SLC36A1: variants seen among roughly 807,000 people sequenced by gnomAD.
SLC36A1 encodes the protein solute carrier family 36 member 1.
SLC36A1 carries 30 observed loss-of-function variants against 47.5 expected under a neutral mutation model. That is an observed-to-expected ratio of 0.63 (90% CI 0.47 to 0.86). The LOEUF (loss-of-function observed/expected upper bound fraction) is 0.86, where lower values mean the gene tolerates loss of function less well. SLC36A1 is among the 40% of genes least tolerant of loss of function. The pLI, the probability that SLC36A1 is intolerant of heterozygous loss-of-function variation, is 0.00. For missense variants in SLC36A1, 517 were observed against 606.0 expected (o/e 0.85, Z 1.54); for synonymous variants, 255 against 249.7 (o/e 1.02, Z -0.20).
the SLC36A1 span, among the ~76,000 whole-genome samples, chr5:151,344,796 A>G: frequency 6.6e-6 from 1 of 152,210 alleles, no homozygotes; most frequent in Non-Finnish European, 1.5e-5. Context: ...AGGGGCAGAA[A>G]CTAGCTCAAT....
chr5:151,493,525 T>C (rs1341802411), downstream of SLC36A1, among the ~76,000 whole-genome samples: 6 of 152,214 alleles, frequency 3.9e-5, no homozygotes, highest in Admixed American at 2.0e-4. Context: ...CTCATAGAAC[T>C]CAGGAAAATA....
At chr5:151,522,173 G>A in the SLC36A1 span, 18 of 1,108,688 alleles carry the variant, frequency 1.6e-5, no homozygotes, top group Middle Eastern at 3.1e-4. Flanking sequence ...GTGGAGCTAC[G>A]TTTCTCTGCC....
upstream of SLC36A1, among the ~76,000 whole-genome samples, chr5:151,436,845 A>C (rs936704144): frequency 1.3e-5 from 2 of 152,124 alleles, no homozygotes; most frequent in African/African-American, 4.8e-5. Context: ...CATTGGTGAG[A>C]AACAGAAGCC....
chr5:151,502,716 G>A, the SLC36A1 span, among the ~76,000 whole-genome samples: 25 of 148,402 alleles, frequency 1.7e-4, no homozygotes, highest in South Asian at 3.7e-3. Flanking sequence ...ACGTGGAATG[G>A]TTCAGCCACT....
chr5:151,409,543 T>C, the SLC36A1 span, among the ~76,000 whole-genome samples: 1 of 152,314 alleles, frequency 6.6e-6, no homozygotes, highest in East Asian at 1.9e-4. Flanking sequence ...AACATACATG[T>C]ACAAAGTGCT....
chr5:151,550,919 C>T, the SLC36A1 span: 28 of 1,583,166 alleles, frequency 1.8e-5, no homozygotes, highest in Non-Finnish European at 2.4e-5. Flanking sequence ...CCCAGGGGAA[C>T]AGGGACTGGG....
the SLC36A1 span, among the ~76,000 whole-genome samples, chr5:151,398,852 G>A: frequency 2.0e-5 from 3 of 151,892 alleles, no homozygotes; most frequent in African/African-American, 7.3e-5. Flanking sequence ...TCTGTGCATG[G>A]GTGTGGGCAC....
the SLC36A1 span, among the ~76,000 whole-genome samples, chr5:151,537,340 AAAG>A: frequency 0.018 from 2,441 of 134,888 alleles, 35 homozygotes; most frequent in East Asian, 0.082. Flanking sequence ...AAAGAAAAGA[AAAG>A]AAAAGAAAAA....
chr5:151,544,522 C>T, the SLC36A1 span: 13 of 1,613,788 alleles, frequency 8.1e-6, no homozygotes, highest in Middle Eastern at 1.7e-4. Context: ...GTAGATGAGC[C>T]GGAGTCCCTC....
rs34478431 is a variant in SLC36A1, at chr5:151,465,086, C to G, written c.336C>G (p.Ser112=). Residue 112 remains serine (S), a synonymous_variant, in exon 5 of 11, where the codon TCC becomes TCG. Coordinates refer to ENST00000243389, the MANE Select transcript of SLC36A1 (RefSeq NM_078483.4). ...AHHFCRRLNK[S]FVDYGDTVMY... is the part of the protein sequence containing the mutation. ...CCTACTCTTCCAGGCTGAATAAATC[C>G]TTTGTGGATTATGGTGATACTGTGA... is the stretch of plus-strand genomic sequence containing the variant. The G allele has an allele frequency of 0.032, 51,320 of 1,613,224 alleles. 928 individuals are homozygous for G. Among genetic ancestry groups the G allele is most frequent in the Non-Finnish European group, 0.038 (45,228 of 1,179,190 alleles).
chr5:151,381,282 A>G, the SLC36A1 span: 1 of 246,090 alleles, frequency 4.1e-6, no homozygotes, highest in South Asian at 5.5e-5. Context: ...TCAGCCCCTG[A>G]GCCCATGCAC....
At chr5:151,512,532 A>G in the SLC36A1 span, 3 of 1,614,032 alleles carry the variant, frequency 1.9e-6, no homozygotes, top group South Asian at 2.2e-5. The surrounding 1 kb of genome is among the most constrained non-coding windows in gnomAD (Gnocchi z 4.1). Context: ...GGTCATTCAC[A>G]TGGCGCTGGG....
intron 10 of SLC36A1, chr5:151,480,261 T>C (rs1211739524): frequency 4.4e-6 from 2 of 452,088 alleles, no homozygotes; most frequent in Non-Finnish European, 7.6e-6. Context: ...AAGCATAGAT[T>C]CCTCTTTTTG....
chr5:151,549,667 T>A, the SLC36A1 span, among the ~76,000 whole-genome samples: 1 of 152,228 alleles, frequency 6.6e-6, no homozygotes, highest in Non-Finnish European at 1.5e-5. Context: ...GCTCTTTTTC[T>A]TCATTTATGT....
At chr5:151,534,487 G>A in the SLC36A1 span, 2 of 1,614,082 alleles carry the variant, frequency 1.2e-6, no homozygotes, top group Non-Finnish European at 1.7e-6. Context: ...ACAGCACAGT[G>A]GCTGGGGAAG....
chr5:151,452,734 G>A (rs1753832027), intron 1 of SLC36A1, among the ~76,000 whole-genome samples: 2 of 151,836 alleles, frequency 1.3e-5, no homozygotes, highest in Admixed American at 6.6e-5. Context: ...TCTGGGCATG[G>A]TGATGGACGC....
At chr5:151,467,673 G>A (rs778877521) in intron 6 of SLC36A1, 34 bp from the exon 7 acceptor site, 13 of 1,562,178 alleles carry the variant, frequency 8.3e-6, no homozygotes, top group Non-Finnish European at 8.8e-7. Context: ...TTGTTTGAGA[G>A]GTGTTTCCGT....
chr5:151,345,346 C>T, the SLC36A1 span, among the ~76,000 whole-genome samples: 1 of 152,150 alleles, frequency 6.6e-6, no homozygotes, highest in East Asian at 1.9e-4. Context: ...CTCAAGGCCA[C>T]GACTTAACTA....
chr5:151,381,053 G>A, the SLC36A1 span: 1 of 428,986 alleles, frequency 2.3e-6, no homozygotes, highest in Non-Finnish European at 4.5e-6. Flanking sequence ...AGTGGACAGA[G>A]AGAAGCAGCT....
Sources: allele counts gnomAD v4.1 joint callset (sites outside exome capture counted in the v4.1 genomes callset), GRCh38; gene constraint gnomAD v4.1.1; non-coding constraint Gnocchi (gnomAD v3.1); transcripts MANE v1.5; gene names NCBI Gene and HGNC (gene_info 2026-07-23, HGNC 2026-07-21).